Variants in MICAL2 observed in about 807,000 individuals in gnomAD.
The protein encoded by MICAL2 is [F-actin]-monooxygenase MICAL2.
In MICAL2, 77 loss-of-function variants were observed where a neutral mutation model predicts 127.3. That is an observed-to-expected ratio of 0.60 (90% CI 0.50 to 0.73). The LOEUF (loss-of-function observed/expected upper bound fraction) is 0.73, where lower values mean the gene tolerates loss of function less well. Ranked by LOEUF, MICAL2 falls within the 30% of genes least tolerant of loss-of-function variation. MICAL2 has a pLI of 0.00. For synonymous variants in MICAL2, 570 were observed against 551.1 expected (o/e 1.03, Z -0.48); for missense variants, 1,351 against 1,434.4 (o/e 0.94, Z 0.94).
chr11:12,134,766 G>A (rs914196519), intron 1 of MICAL2, among the ~76,000 whole-genome samples: 1 of 152,124 alleles, frequency 6.6e-6, no homozygotes, highest in African/African-American at 2.4e-5. Context: ...GAGGCTGGAG[G>A]AGCGTTCAAG....
intron 12 of MICAL2, 177 bp from the exon 13 acceptor site, chr11:12,224,496 G>A (rs971375927): frequency 1.5e-6 from 1 of 683,034 alleles, no homozygotes; most frequent in Non-Finnish European, 2.4e-6. Context: ...TCCTGACCAG[G>A]CCCCCAAGCA....
intron 3 of MICAL2, among the ~76,000 whole-genome samples, chr11:12,169,510 C>T (rs1214325259): frequency 3.3e-5 from 5 of 152,182 alleles, no homozygotes; most frequent in Non-Finnish European, 7.3e-5. Context: ...CTCAGCCTCC[C>T]AAGTAGCTGG....
chr11:12,358,592 C>A, downstream of MICAL2: 2 of 974,044 alleles, frequency 2.1e-6, no homozygotes, highest in Non-Finnish European at 3.0e-6. Flanking sequence ...ACTTGTTATA[C>A]CTTACTGCAT....
chr11:12,116,474 C>A (rs1339854738), intron 1 of MICAL2, among the ~76,000 whole-genome samples: 1 of 151,282 alleles, frequency 6.6e-6, no homozygotes, highest in African/African-American at 2.4e-5. Context: ...CTGTCTTGTC[C>A]TCTCAGGAAA....
At chr11:12,358,324 G>A (rs765581847) in exon 35 of MICAL2, 10 of 1,613,894 alleles carry the variant, frequency 6.2e-6, no homozygotes, top group Non-Finnish European at 6.8e-6. Flanking sequence ...GGATCTAAAC[G>A]AAGAGCAAGA....
chr11:12,134,770 G>C (rs538281696), intron 1 of MICAL2, among the ~76,000 whole-genome samples: 1 of 151,996 alleles, frequency 6.6e-6, no homozygotes, highest in Non-Finnish European at 1.5e-5. Flanking sequence ...CTGGAGGAGC[G>C]TTCAAGGCCA....
intron 32 of MICAL2, among the ~76,000 whole-genome samples, chr11:12,336,282 G>T (rs1247892653): frequency 6.6e-6 from 1 of 152,148 alleles, no homozygotes; most frequent in African/African-American, 2.4e-5. Context: ...AAGAATGTCT[G>T]TGATTTTTGC....
intron 29 of MICAL2, among the ~76,000 whole-genome samples, chr11:12,308,663 C>A (rs889998032): frequency 2.0e-5 from 3 of 152,316 alleles, no homozygotes; most frequent in Non-Finnish European, 2.9e-5. Context: ...GCAAGACAAT[C>A]ATGTTGTCTG....
At chr11:12,351,179 C>G (rs559801554) in intron 33 of MICAL2, among the ~76,000 whole-genome samples, 1 of 152,182 alleles carries the variant, frequency 6.6e-6, no homozygotes, top group African/African-American at 2.4e-5. Context: ...TGGGTTAGGA[C>G]GTGGACATAT....
intron 32 of MICAL2, among the ~76,000 whole-genome samples, chr11:12,346,359 G>T (rs1447783783): frequency 6.6e-6 from 1 of 152,210 alleles, no homozygotes; most frequent in South Asian, 2.1e-4. Context: ...CACTGCAGCT[G>T]CATGGCAGAT....
intron 26 of MICAL2, chr11:12,261,393 T>C: frequency 1.0e-6 from 1 of 985,308 alleles, no homozygotes; most frequent in Non-Finnish European, 1.2e-6. Context: ...TGAGTAAGGG[T>C]AAAAATGAGC....
intron 1 of MICAL2, among the ~76,000 whole-genome samples, chr11:12,113,467 T>C (rs1346421503): frequency 6.6e-6 from 1 of 152,246 alleles, no homozygotes; most frequent in East Asian, 1.9e-4. Flanking sequence ...AATTAAATGC[T>C]ATGGGAAGCA....
At chr11:12,187,171 C>A (rs1858412352) in intron 3 of MICAL2, among the ~76,000 whole-genome samples, 1 of 152,192 alleles carries the variant, frequency 6.6e-6, no homozygotes, top group African/African-American at 2.4e-5. Context: ...CCTCATTCAT[C>A]TTTTCTTTCT....
intron 1 of MICAL2, among the ~76,000 whole-genome samples, chr11:12,125,256 T>C (rs757571987): frequency 3.9e-5 from 6 of 152,248 alleles, no homozygotes; most frequent in Non-Finnish European, 7.3e-5. Flanking sequence ...TTCACATAGC[T>C]GTACATCTTT....
exon 30 of MICAL2, chr11:12,319,697 C>T (rs1456560140): frequency 1.2e-6 from 2 of 1,610,552 alleles, no homozygotes; most frequent in Middle Eastern, 1.7e-4. Flanking sequence ...CCATTTCAGA[C>T]TCCAAGAACT....
chr11:12,111,487 T>G (rs879615443), intron 1 of MICAL2, among the ~76,000 whole-genome samples: 1 of 152,306 alleles, frequency 6.6e-6, no homozygotes, highest in African/African-American at 2.4e-5. Context: ...TGGGGTAAAT[T>G]GTATTCACCG....
intron 29 of MICAL2, among the ~76,000 whole-genome samples, chr11:12,301,913 C>A (rs1864051880): frequency 6.6e-6 from 1 of 152,168 alleles, no homozygotes; most frequent in African/African-American, 2.4e-5. Flanking sequence ...ACACATATGT[C>A]TCAAACGGAC....
chr11:12,129,467 G>A (rs952995725), intron 1 of MICAL2, among the ~76,000 whole-genome samples: 20 of 151,984 alleles, frequency 1.3e-4, no homozygotes, highest in African/African-American at 4.6e-4. Context: ...AATGAAACAC[G>A]CACCCCCCTT....
At chr11:12,162,039 A>T in intron 2 of MICAL2, 40 bp from the exon 3 acceptor site, 1 of 1,440,678 alleles carries the variant, frequency 6.9e-7, no homozygotes, top group Non-Finnish European at 9.5e-7. Flanking sequence ...CCCTAACCTC[A>T]TCGTCCAAAG....
Sources: allele counts gnomAD v4.1 joint callset (sites outside exome capture counted in the v4.1 genomes callset), GRCh38; gene constraint gnomAD v4.1.1; transcripts MANE v1.5; gene names NCBI Gene and HGNC (gene_info 2026-07-23, HGNC 2026-07-21).